Variants in ASXL3 observed in about 807,000 individuals in gnomAD.
ASXL3 encodes the protein ASXL transcriptional regulator 3, also known as putative Polycomb group protein ASXL3.
ASXL3 carries 34 observed loss-of-function variants against 170.6 expected under a neutral mutation model. The ratio of observed to expected loss-of-function variants is 0.20; its 90% CI spans 0.15 to 0.27. ASXL3 has a LOEUF of 0.27. Among genes scored for constraint, ASXL3 ranks in the 10% least tolerant of loss-of-function variants. The pLI is 1.00. For missense variants in ASXL3, 2,592 were observed against 2,695.3 expected (o/e 0.96, Z 0.85); for synonymous variants, 1,002 against 989.1 (o/e 1.01, Z -0.24).
At chr18:33,620,618 A>G (rs55740245) in intron 2 of ASXL3, among the ~76,000 whole-genome samples, 275 of 152,242 alleles carry the variant, frequency 1.8e-3, no homozygotes, top group African/African-American at 6.0e-3. Context: ...TTTTTATTGT[A>G]TTACTAAAAG....
At chr18:33,584,605 C>T (rs919636547) in intron 1 of ASXL3, among the ~76,000 whole-genome samples, 1 of 151,982 alleles carries the variant, frequency 6.6e-6, no homozygotes, top group Non-Finnish European at 1.5e-5. Context: ...GTCTCATGTT[C>T]TTTACCAAAT....
Position 33,738,988 on chromosome 18 carries a change from A to G in ASXL3, c.1584A>G (p.Glu528=). 1.9e-6 allele frequency: 3 copies of G among 1,613,808 alleles called. No homozygotes were observed. Among genetic ancestry groups the G allele is most frequent in the Non-Finnish European group, 2.5e-6 (3 of 1,179,826 alleles). ...AAGGGAAGTCAGAATCACCCCAGGA[A>G]GAAATGACAGTTGTTATCGATCAGT... ...KIEGKSESPQ[E]EMTVVIDQLE... The change falls in exon 11 of 12, where the codon GAA becomes GAG. Residue 528 remains glutamate (E), a synonymous_variant. Coordinates refer to ENST00000269197, the MANE Select transcript of ASXL3 (RefSeq NM_030632.3).
At chr18:33,704,921 C>T (rs2066932952) in intron 8 of ASXL3, among the ~76,000 whole-genome samples, 2 of 151,804 alleles carry the variant, frequency 1.3e-5, no homozygotes, top group African/African-American at 2.4e-5. Flanking sequence ...GGATAGTTTC[C>T]AGAGTGTTAC....
At chr18:33,689,958 T>C (rs2066661445) in intron 8 of ASXL3, among the ~76,000 whole-genome samples, 1 of 152,186 alleles carries the variant, frequency 6.6e-6, no homozygotes, top group Non-Finnish European at 1.5e-5. Context: ...TGTCCCACAT[T>C]TGGTCCACAA....
At chr18:33,633,812 T>C (rs931335029) in intron 2 of ASXL3, among the ~76,000 whole-genome samples, 1 of 135,506 alleles carries the variant, frequency 7.4e-6, no homozygotes, top group Admixed American at 8.1e-5. Flanking sequence ...GCCACTGCAT[T>C]ACAGCCTGGC....
chr18:33,584,199 G>A (rs1224867444), intron 1 of ASXL3, among the ~76,000 whole-genome samples: 2 of 152,142 alleles, frequency 1.3e-5, no homozygotes, highest in Non-Finnish European at 2.9e-5. Context: ...CAGAGGTGAG[G>A]TGCAGGCAAG....
chr18:33,700,544 GAAGAGAATGAAGTTTGAAATAGCAACTGA>G (rs1224228474), intron 8 of ASXL3, among the ~76,000 whole-genome samples: 7 of 152,008 alleles, frequency 4.6e-5, no homozygotes, highest in South Asian at 2.1e-4. Flanking sequence ...AGCTTGAGCA[GAAGAGAATGAAGTTTGAAATAGCAACTGA>G]AAGAGAATGA....
chr18:33,625,279 A>G (rs2065584872), intron 2 of ASXL3, among the ~76,000 whole-genome samples: 1 of 152,130 alleles, frequency 6.6e-6, no homozygotes, highest in South Asian at 2.1e-4. Context: ...CATCACAGCA[A>G]ATGTTTATTT....
chr18:33,611,175 C>T (rs1316279548), intron 2 of ASXL3, among the ~76,000 whole-genome samples: 1 of 151,938 alleles, frequency 6.6e-6, no homozygotes, highest in Admixed American at 6.6e-5. Flanking sequence ...TGTTCTGTGT[C>T]TCATCTTCAT....
intron 2 of ASXL3, among the ~76,000 whole-genome samples, chr18:33,625,149 T>G (rs1354790077): frequency 1.3e-5 from 2 of 152,130 alleles, no homozygotes; most frequent in Non-Finnish European, 2.9e-5. Flanking sequence ...GAATTTCTAG[T>G]GTATCATTAT....
rs2067458634 is a variant in ASXL3, at chr18:33,732,070, T to C, written c.976+6T>C. 6.2e-7 allele frequency: 1 copy of C among 1,608,124 alleles called. No individual in the cohort carries two copies. Among genetic ancestry groups the C allele is most frequent in the African/African-American group, 1.3e-5 (1 of 74,756 alleles). On this transcript the variant is annotated splice_donor_region_variant and intron_variant, in intron 9 of 11. Transcript: ENST00000269197. ...GAAACAGCGACTGGCAGAAGGTAAA[T>C]TTGTATTTTCTATTATTATGTGACA...
intron 8 of ASXL3, among the ~76,000 whole-genome samples, chr18:33,696,682 A>G (rs2066778298): frequency 1.3e-5 from 2 of 152,022 alleles, no homozygotes; most frequent in African/African-American, 2.4e-5. Flanking sequence ...GCACATCTCA[A>G]TATCATTCTT....
At chr18:33,662,777 C>G (rs2066195024) in intron 5 of ASXL3, among the ~76,000 whole-genome samples, 1 of 152,244 alleles carries the variant, frequency 6.6e-6, no homozygotes, top group South Asian at 2.1e-4. Flanking sequence ...AGGTATCATT[C>G]TAGCGATATA....
At position 33,693,943 on chromosome 18, in the gene ASXL3, A is replaced by G. The variant is rs76880758; in HGVS notation, c.879+10375A>G. Among the ~76,000 whole-genome samples, 304 of 152,224 alleles carry G rather than the reference A, an allele frequency of 2.0e-3. 3 individuals are homozygous for G. The highest frequency in any genetic ancestry group is 7.1e-3 in the African/African-American group (294 of 41,554). ...AGCTGGGCTGATTGAGCGGACAGGA[A>G]AATATAGGTTGGAAGGAAGCAAAGT... On this transcript the variant is annotated intron_variant, in intron 8 of 11. Coordinates refer to ENST00000269197, the MANE Select transcript of ASXL3 (RefSeq NM_030632.3).
At chr18:33,648,118 T>C (rs892624036) in intron 4 of ASXL3, among the ~76,000 whole-genome samples, 4 of 152,124 alleles carry the variant, frequency 2.6e-5, no homozygotes, top group African/African-American at 9.7e-5. Flanking sequence ...TGCTGGCTTC[T>C]GTTTTGAGTG....
intron 8 of ASXL3, among the ~76,000 whole-genome samples, chr18:33,697,486 A>T (rs2066791185): frequency 6.6e-6 from 1 of 152,064 alleles, no homozygotes; most frequent in Non-Finnish European, 1.5e-5. Context: ...GAATTTTTGG[A>T]AACGGTTTGA....
chr18:33,744,080 C>A lies in ASXL3; in HGVS notation c.4232C>A (p.Pro1411Gln), dbSNP rs767761454. Reference sequence around the variant, plus strand: ...GTCACAGACTCTCTGGTTGCACACCCGACCGTCGCAATGTTTACTGGAAAC... The same window carrying A: ...GTCACAGACTCTCTGGTTGCACACCAGACCGTCGCAATGTTTACTGGAAAC... ...VAVTDSLVAH[P>Q]TVAMFTGNML... Residue 1411 changes from proline to glutamine, a missense_variant, in exon 12 of 12, where the codon CCG (proline) becomes CAG (glutamine). Around this residue, in one of 4 missense-constraint regions of ASXL3, gnomAD observed 2,246 missense variants for 2,219.6 expected, o/e 1.01. Transcript: ENST00000269197. 1.9e-6 allele frequency: 3 copies of A among 1,613,890 alleles called. 1 individual carries two copies. The South Asian group carries it at 3.3e-5, about 18-fold the overall frequency.
At chr18:33,692,835 AT>A (rs989009806) in intron 8 of ASXL3, among the ~76,000 whole-genome samples, 1 of 152,210 alleles carries the variant, frequency 6.6e-6, no homozygotes, top group African/African-American at 2.4e-5. Context: ...ATATTAGAGA[AT>A]GGAAAAGAAC....
Position 33,738,941 on chromosome 18 carries a change from C to G in ASXL3, c.1537C>G (p.Pro513Ala), listed in dbSNP as rs2067599388. 6 of 1,613,506 alleles carry G rather than the reference C, an allele frequency of 3.7e-6. No homozygotes were observed. In the East Asian group the frequency reaches 1.3e-4, roughly 36 times the overall value. Residue 513 changes from proline (P) to alanine (A), a missense_variant, in exon 11 of 12, where the codon CCT (proline) becomes GCT (alanine). Around this residue, in one of 4 missense-constraint regions of ASXL3, gnomAD observed 2,246 missense variants for 2,219.6 expected, o/e 1.01. Transcript: ENST00000269197. ...GATGAATGATGTTTTAGAAACTTTG[C>G]CTCATATTGAAGTTAAGATAGAAGG... ...VMMNDVLETLPHIEVKIEGKS... is the reference protein window; with the variant it reads ...VMMNDVLETLAHIEVKIEGKS...
Sources: allele counts gnomAD v4.1 joint callset (sites outside exome capture counted in the v4.1 genomes callset), GRCh38; gene constraint gnomAD v4.1.1; regional missense constraint gnomAD v4.1.1; transcripts MANE v1.5; gene names NCBI Gene and HGNC (gene_info 2026-07-23, HGNC 2026-07-21).